Variants in LRRIQ1 observed in about 807,000 individuals in gnomAD.
The protein encoded by LRRIQ1 is leucine-rich repeat- and IQ domain-containing protein 1.
In LRRIQ1, 210 loss-of-function variants were observed where a neutral mutation model predicts 211.9. The ratio of observed to expected loss-of-function variants is 0.99; its 90% confidence interval spans 0.89 to 1.11. The LOEUF is 1.11. Among genes scored for constraint, LRRIQ1 ranks in the 50% most tolerant of loss-of-function variants. The probability of loss-of-function intolerance (pLI) is 0.00; values close to 1 mark genes in which losing one functional copy is unlikely to be tolerated. For synonymous variants in LRRIQ1, 699 were observed against 650.1 expected (o/e 1.08, Z -1.14); for missense variants, 2,136 against 1,939.5 (o/e 1.10, Z -1.90).
At chr12:85,205,689 T>C (rs1018699793) in intron 24 of LRRIQ1, among the ~76,000 whole-genome samples, 3 of 152,218 alleles carry the variant, frequency 2.0e-5, no homozygotes, top group Admixed American at 1.3e-4. Flanking sequence ...TGCTGAAATA[T>C]GTTTTCCAAG....
chr12:85,080,758 G>A (rs1884198795), intron 11 of LRRIQ1, among the ~76,000 whole-genome samples: 1 of 151,276 alleles, frequency 6.6e-6, no homozygotes, highest in African/African-American at 2.4e-5. Context: ...AACGTGTTCA[G>A]CAAAGTTTTT....
chr12:85,185,755 C>T (rs1399756014), intron 24 of LRRIQ1, among the ~76,000 whole-genome samples: 1 of 151,916 alleles, frequency 6.6e-6, no homozygotes, highest in Non-Finnish European at 1.5e-5. Flanking sequence ...TTTTATTCCA[C>T]ATACATTTTA....
chr12:85,148,143 C>T (rs1890011820), intron 19 of LRRIQ1, among the ~76,000 whole-genome samples: 1 of 151,700 alleles, frequency 6.6e-6, no homozygotes, highest in Non-Finnish European at 1.5e-5. Context: ...TAAAGAATAT[C>T]TGAACAGAAG....
chr12:85,103,360 TTG>T (rs1324499131), intron 13 of LRRIQ1, among the ~76,000 whole-genome samples: 1 of 151,706 alleles, frequency 6.6e-6, no homozygotes, highest in Non-Finnish European at 1.5e-5. Context: ...GTAAAACATT[TTG>T]TGTTATTCTG....
Position 85,056,080 on chromosome 12 carries a change from A to C in LRRIQ1, c.1287A>C (p.Glu429Asp). The stretch of plus-strand genomic sequence containing the variant: ...ATATAGCCAAAAATCTAGTGGATGA[A>C]AATTCAAAGAAGCAGGAAGATGTTC... ...KGDIAKNLVD[E>D]NSKKQEDVLL... The change falls in exon 8 of 27, where the codon GAA becomes GAC. Residue 429 changes from glutamate (E) to aspartate (D), a missense_variant. Glu to Asp is a conservative substitution (Grantham distance 45). Coordinates refer to ENST00000393217, the MANE Select transcript of LRRIQ1 (RefSeq NM_001079910.2). 2 of 1,596,050 alleles carry C rather than the reference A, an allele frequency of 1.3e-6. No individual in the cohort carries two copies. The highest frequency in any genetic ancestry group is 2.3e-5 in the South Asian group (2 of 86,552).
chr12:85,217,042 G>T (rs1253574142), intron 24 of LRRIQ1, among the ~76,000 whole-genome samples: 1 of 151,708 alleles, frequency 6.6e-6, no homozygotes, highest in Non-Finnish European at 1.5e-5. Context: ...TTTAATTATT[G>T]CTTTGCATAA....
Position 85,125,809 on chromosome 12 carries a change from A to T in LRRIQ1, c.4007+1290A>T, listed in dbSNP as rs1311809799. 2.6e-5 allele frequency among the ~76,000 whole-genome samples: 4 copies of T among 152,200 alleles called. No individual in the cohort carries two copies. The East Asian group carries it at 7.7e-4, about 29-fold the overall frequency. ...AACGTTGCCTATTGAAATTTCATAT[A>T]AACAATATTTTTAACTTCTTAATCC... On this transcript the variant is annotated intron_variant, in intron 17 of 26. Coordinates refer to ENST00000393217, the MANE Select transcript of LRRIQ1 (RefSeq NM_001079910.2).
chr12:85,162,877 TTTG>T (rs1241121727), intron 24 of LRRIQ1: 6 of 422,664 alleles, frequency 1.4e-5, no homozygotes, highest in African/African-American at 4.2e-5. Context: ...GCTATAGGTT[TTTG>T]TTGTTGTTTG....
chr12:85,211,073 G>A (rs1893814686), intron 24 of LRRIQ1, among the ~76,000 whole-genome samples: 1 of 152,164 alleles, frequency 6.6e-6, no homozygotes, highest in African/African-American at 2.4e-5. Context: ...TTCTTCTTGT[G>A]CTGTGAGTAA....
chr12:85,042,067 C>T (rs1427770392), intron 3 of LRRIQ1, among the ~76,000 whole-genome samples: 7 of 151,728 alleles, frequency 4.6e-5, no homozygotes, highest in African/African-American at 1.7e-4. Context: ...TATTTTTACT[C>T]AGGTTTAAAC....
chr12:85,153,000 C>T, intron 20 of LRRIQ1, 24 bp from the exon 21 acceptor site: 1 of 1,507,358 alleles, frequency 6.6e-7, no homozygotes, highest in Non-Finnish European at 9.1e-7. Context: ...TTACTTCACA[C>T]TTATTTACTT....
At chr12:85,119,196 A>G (rs1170087322) in intron 15 of LRRIQ1, among the ~76,000 whole-genome samples, 1 of 152,168 alleles carries the variant, frequency 6.6e-6, no homozygotes, top group Non-Finnish European at 1.5e-5. Context: ...CATGACAACT[A>G]GCGATCTTAC....
intron 24 of LRRIQ1, among the ~76,000 whole-genome samples, chr12:85,171,015 A>G (rs902478056): frequency 6.6e-6 from 1 of 152,150 alleles, no homozygotes; most frequent in Non-Finnish European, 1.5e-5. Flanking sequence ...AAAAATAAAC[A>G]TGGAAAGAGA....
intron 24 of LRRIQ1, among the ~76,000 whole-genome samples, chr12:85,169,244 GT>G: frequency 6.6e-6 from 1 of 152,226 alleles, no homozygotes; most frequent in Non-Finnish European, 1.5e-5. Flanking sequence ...CTTGTAATCT[GT>G]TTTTTGCATG....
At chr12:85,092,567 A>G (rs1885504078) in intron 11 of LRRIQ1, among the ~76,000 whole-genome samples, 1 of 152,216 alleles carries the variant, frequency 6.6e-6, no homozygotes, top group South Asian at 2.1e-4. Context: ...AAAAGAAAAT[A>G]TCAAGATTTC....
the LRRIQ1 span, among the ~76,000 whole-genome samples, chr12:85,269,583 T>G: frequency 1.1e-4 from 17 of 152,026 alleles, no homozygotes; most frequent in Admixed American, 5.9e-4. Flanking sequence ...AGTATAGACA[T>G]TGGTAGAACC....
At position 85,065,839 on chromosome 12, in the gene LRRIQ1, C is replaced by G. The variant is rs189043160; in HGVS notation, c.2544+425C>G. Among the ~76,000 whole-genome samples, 40 of 151,948 alleles carry G rather than the reference C, an allele frequency of 2.6e-4. No homozygotes were observed. The East Asian group carries it at 7.0e-3, about 27-fold the overall frequency. On this transcript the variant is annotated intron_variant, in intron 9 of 26. Coordinates refer to ENST00000393217, the MANE Select transcript of LRRIQ1 (RefSeq NM_001079910.2). ...AAGCTAGAGCTAGAATGTCCTAAATCACTTACCTTATATGTCTGCTGCCTT... is the reference window on the plus strand; with the variant it reads ...AAGCTAGAGCTAGAATGTCCTAAATGACTTACCTTATATGTCTGCTGCCTT...
chr12:85,047,437 A>G lies in LRRIQ1; in HGVS notation c.645A>G (p.Lys215=), dbSNP rs1284328849. The G allele has an allele frequency of 6.2e-7, 1 of 1,612,606 alleles. No individual in the cohort carries two copies. Among genetic ancestry groups the G allele is most frequent in the South Asian group, 1.1e-5 (1 of 90,602 alleles). The part of the protein sequence containing the change: ...EKRHCWMKQF[K]VEKKKLENIQ... ...GACATTGCTGGATGAAACAATTTAA[A>G]GTTGAAAAGAAGAAATTAGAGAACA... Residue 215 remains lysine (K), a synonymous_variant, in exon 6 of 27, where the codon AAA becomes AAG. Coordinates refer to ENST00000393217, the MANE Select transcript of LRRIQ1 (RefSeq NM_001079910.2).
intron 24 of LRRIQ1, among the ~76,000 whole-genome samples, chr12:85,187,544 C>T (rs1264314507): frequency 2.6e-5 from 4 of 151,994 alleles, no homozygotes; most frequent in East Asian, 1.9e-4. Context: ...CGGTGGTTCA[C>T]GCCTGTAATC....
Sources: allele counts gnomAD v4.1 joint callset (sites outside exome capture counted in the v4.1 genomes callset), GRCh38; gene constraint gnomAD v4.1.1; transcripts MANE v1.5; gene names NCBI Gene and HGNC (gene_info 2026-07-23, HGNC 2026-07-21).